The following ADK variants were observed in gnomAD, a reference collection of about 807,000 sequenced individuals.
ADK encodes the protein adenosine kinase.
In ADK, 24 loss-of-function variants were observed where a neutral mutation model predicts 44.7. The ratio of observed to expected loss-of-function variants is 0.54; its 90% CI spans 0.39 to 0.76. The LOEUF (loss-of-function observed/expected upper bound fraction) is 0.76, where lower values mean the gene tolerates loss of function less well. Ranked by LOEUF, ADK falls within the 30% of genes least tolerant of loss-of-function variation. The pLI is 0.00. For missense variants in ADK, 321 were observed against 425.1 expected (o/e 0.76, Z 2.15); for synonymous variants, 128 against 142.6 (o/e 0.90, Z 0.73).
chr10:74,628,826 C>T (rs1213869659), intron 9 of ADK, among the ~76,000 whole-genome samples: 1 of 152,082 alleles, frequency 6.6e-6, no homozygotes, highest in African/African-American at 2.4e-5. Context: ...AAATGCCTAA[C>T]CAACACCTTG....
chr10:74,504,438 G>A (rs1375532218), intron 6 of ADK, among the ~76,000 whole-genome samples: 1 of 152,038 alleles, frequency 6.6e-6, no homozygotes, highest in Admixed American at 6.5e-5. Flanking sequence ...TATAACTTTT[G>A]ACTCCCCAGA....
At chr10:74,241,637 C>T (rs558689431) in intron 3 of ADK, among the ~76,000 whole-genome samples, 23 of 152,286 alleles carry the variant, frequency 1.5e-4, no homozygotes, top group African/African-American at 5.1e-4. Flanking sequence ...CCACCCGCCT[C>T]GGCCTCCCAA....
At chr10:74,628,921 C>T (rs1463283473) in intron 9 of ADK, among the ~76,000 whole-genome samples, 1 of 152,186 alleles carries the variant, frequency 6.6e-6, no homozygotes, top group Admixed American at 6.5e-5. Flanking sequence ...GACCAAAGCT[C>T]ATTCCAGTTC....
intron 10 of ADK, among the ~76,000 whole-genome samples, chr10:74,692,623 C>G (rs998457480): frequency 6.6e-6 from 1 of 152,210 alleles, no homozygotes; most frequent in African/African-American, 2.4e-5. Flanking sequence ...TCATGCACCA[C>G]ATAACATTTT....
At chr10:74,604,977 T>C (rs1226910695) in intron 9 of ADK, among the ~76,000 whole-genome samples, 1 of 152,194 alleles carries the variant, frequency 6.6e-6, no homozygotes, top group Non-Finnish European at 1.5e-5. Flanking sequence ...TAAGTTGTAT[T>C]CCTAGGTATT....
intron 6 of ADK, among the ~76,000 whole-genome samples, chr10:74,421,590 C>A (rs1564712232): frequency 6.6e-6 from 1 of 152,120 alleles, no homozygotes; most frequent in African/African-American, 2.4e-5. Flanking sequence ...TCCCAGTAGC[C>A]ACAAACACAT....
At chr10:74,223,135 C>T (rs1393078455) in intron 2 of ADK, among the ~76,000 whole-genome samples, 2 of 152,010 alleles carry the variant, frequency 1.3e-5, no homozygotes, top group Non-Finnish European at 2.9e-5. Flanking sequence ...GTTGAGAAGT[C>T]CAAGGTCAAA....
chr10:74,548,845 A>T (rs1411472484), intron 7 of ADK, among the ~76,000 whole-genome samples: 2 of 152,246 alleles, frequency 1.3e-5, no homozygotes, highest in African/African-American at 4.8e-5. Flanking sequence ...AAAGCCAGGC[A>T]ACTTGGGACA....
chr10:74,255,665 T>C (rs1304428680), intron 3 of ADK, among the ~76,000 whole-genome samples: 1 of 152,208 alleles, frequency 6.6e-6, no homozygotes, highest in Non-Finnish European at 1.5e-5. Context: ...GAAAAATTAG[T>C]TCAATGTCCT....
chr10:74,399,053 A>G (rs1319538603), intron 6 of ADK, among the ~76,000 whole-genome samples: 1 of 151,940 alleles, frequency 6.6e-6, no homozygotes, highest in Non-Finnish European at 1.5e-5. Flanking sequence ...AGAAACATTG[A>G]TCGTGACAAA....
intron 6 of ADK, among the ~76,000 whole-genome samples, chr10:74,413,526 CT>C (rs1487565016): frequency 6.6e-6 from 1 of 152,188 alleles, no homozygotes; most frequent in African/African-American, 2.4e-5. Flanking sequence ...GCATCCTCAC[CT>C]CTCAGCTTTA....
intron 2 of ADK, among the ~76,000 whole-genome samples, chr10:74,220,666 T>C (rs1246296537): frequency 6.6e-6 from 1 of 152,158 alleles, no homozygotes; most frequent in African/African-American, 2.4e-5. Flanking sequence ...AAAAAGCTTA[T>C]CCACCATGAT....
chr10:74,674,654 T>G (rs1855316184), intron 10 of ADK, among the ~76,000 whole-genome samples: 1 of 151,346 alleles, frequency 6.6e-6, no homozygotes, highest in African/African-American at 2.4e-5. Flanking sequence ...GGCCGAAGCA[T>G]GTGGATCACT....
At chr10:74,419,919 T>C (rs1844500190) in intron 6 of ADK, among the ~76,000 whole-genome samples, 1 of 152,176 alleles carries the variant, frequency 6.6e-6, no homozygotes, top group African/African-American at 2.4e-5. Flanking sequence ...TTAAATCTGC[T>C]TCTGTTTCAT....
rs900753287 is a variant in ADK at position 74,525,331 on chromosome 10, A to T, written c.631A>T (p.Thr211Ser). Reference sequence around the variant, plus strand: ...TGCTTCTGAAAACAACAGGATTTTCACTTTGAATCTATCTGCACCGTTTAT... The same window carrying T: ...TGCTTCTGAAAACAACAGGATTTTCTCTTTGAATCTATCTGCACCGTTTAT... ...HHASENNRIF[T>S]LNLSAPFISQ... is the part of the protein sequence containing the mutation. The change falls in exon 7 of 11, where the codon ACT becomes TCT. Residue 211 changes from threonine (T) to serine (S), a missense_variant. Physicochemically the swap from Thr to Ser is moderately conservative, Grantham distance 58. Transcript: ENST00000539909. 4.3e-6 allele frequency: 7 copies of T among 1,613,664 alleles called. No homozygotes were observed. The highest frequency in any genetic ancestry group is 1.3e-5 in the African/African-American group (1 of 74,996).
chr10:74,390,393 A>G (rs1026985930), intron 4 of ADK, among the ~76,000 whole-genome samples: 6 of 152,172 alleles, frequency 3.9e-5, no homozygotes, highest in Admixed American at 2.0e-4. Flanking sequence ...TAGCTACAGT[A>G]TGTTTGTCCC....
At chr10:74,452,216 C>T (rs2133192217) in intron 6 of ADK, among the ~76,000 whole-genome samples, 1 of 151,474 alleles carries the variant, frequency 6.6e-6, no homozygotes, top group Admixed American at 6.6e-5. Context: ...TCAGAGTAGC[C>T]CAGAATTTTA....
At chr10:74,633,755 CTA>C (rs1297284310) in intron 9 of ADK, among the ~76,000 whole-genome samples, 2 of 152,158 alleles carry the variant, frequency 1.3e-5, no homozygotes, top group African/African-American at 4.8e-5. Context: ...GAAGGAGAGT[CTA>C]TACTTGGAGG....
In ADK at chr10:74,394,286, G is replaced by C. The variant is rs1165879351; in HGVS notation, c.419G>C (p.Cys140Ser). 1.2e-6 allele frequency: 2 copies of C among 1,613,906 alleles called. No individual in the cohort carries two copies. Among genetic ancestry groups the C allele is most frequent in the African/African-American group, 2.7e-5 (2 of 74,914 alleles). ...CAGAATGAGCAGCCAACAGGAACTT[G>C]TGCTGCATGCATCACTGGTGACAAC... ...YEQNEQPTGT[C>S]AACITGDNRS... Residue 140 changes from cysteine (C) to serine (S), a missense_variant, in exon 5 of 11, where the codon TGT becomes TCT. By Grantham distance (112) the Cys-to-Ser change is moderately radical. Coordinates refer to ENST00000539909, the MANE Select transcript of ADK (RefSeq NM_006721.4).
Sources: gnomAD v4.1 joint callset for allele counts (sites outside exome capture counted in the v4.1 genomes callset) on GRCh38, gnomAD v4.1.1 for gene constraint, MANE v1.5 for transcripts, NCBI Gene and HGNC (gene_info 2026-07-23, HGNC 2026-07-21) for gene names.